CAMKMT: variants seen among roughly 807,000 people sequenced by gnomAD.
The protein encoded by CAMKMT is CaM KMT.
In CAMKMT, 53 loss-of-function variants were observed where a neutral mutation model predicts 48.0. That is an observed-to-expected ratio of 1.10 (90% CI 0.89 to 1.39). CAMKMT has a LOEUF of 1.39. CAMKMT is among the 40% of genes most tolerant of loss of function. The pLI, the probability that CAMKMT is intolerant of heterozygous loss-of-function variation, is 0.00. For synonymous variants in CAMKMT, 165 were observed against 152.3 expected (o/e 1.08, Z -0.61); for missense variants, 428 against 402.7 (o/e 1.06, Z -0.54).
chr2:44,610,119 T>C (rs1671517205), intron 3 of CAMKMT, among the ~76,000 whole-genome samples: 1 of 152,182 alleles, frequency 6.6e-6, no homozygotes, highest in Non-Finnish European at 1.5e-5. Context: ...AGAGGCTACA[T>C]TTCTGAATAT....
intron 2 of CAMKMT, among the ~76,000 whole-genome samples, chr2:44,382,111 T>C (rs1051935676): frequency 6.6e-6 from 1 of 151,984 alleles, no homozygotes; most frequent in African/African-American, 2.4e-5. Context: ...CTGGCTAATT[T>C]TTGTATTTTT....
chr2:44,389,018 C>T (rs1443735675), intron 2 of CAMKMT, among the ~76,000 whole-genome samples: 12 of 152,290 alleles, frequency 7.9e-5, no homozygotes, highest in Non-Finnish European at 1.5e-5. Flanking sequence ...CAGAGAGCAT[C>T]AACTGTAGTA....
Position 44,668,128 on chromosome 2 carries a change from A to T in CAMKMT, c.377-36155A>T, listed in dbSNP as rs192913784. ...ATTTCCCTGGTAAATTTGTTCTTCA[A>T]ACCCCTCCAATATCTCCTCTCCTAT... On this transcript the variant is annotated intron_variant, in intron 3 of 10. Coordinates refer to ENST00000378494, the MANE Select transcript of CAMKMT (RefSeq NM_024766.5). Among the ~76,000 whole-genome samples the T allele has an allele frequency of 1.7e-3, 254 of 152,224 alleles. 1 individual carries two copies. In the South Asian group the frequency reaches 0.025, roughly 15 times the overall value.
At chr2:44,428,781 A>C (rs990973107) in intron 3 of CAMKMT, among the ~76,000 whole-genome samples, 1 of 152,218 alleles carries the variant, frequency 6.6e-6, no homozygotes, top group Non-Finnish European at 1.5e-5. Flanking sequence ...TAATAACTCA[A>C]ATTCCACCAG....
At chr2:44,428,687 A>G (rs148444759) in intron 3 of CAMKMT, among the ~76,000 whole-genome samples, 1 of 152,206 alleles carries the variant, frequency 6.6e-6, no homozygotes. Flanking sequence ...TTTTATATGT[A>G]TGTATGTCTG....
At chr2:44,751,093 C>T (rs1232796159) in intron 8 of CAMKMT, among the ~76,000 whole-genome samples, 2 of 152,090 alleles carry the variant, frequency 1.3e-5, no homozygotes, top group Non-Finnish European at 2.9e-5. Context: ...GAGAGGACAA[C>T]AATGAAATGC....
intron 3 of CAMKMT, among the ~76,000 whole-genome samples, chr2:44,493,128 C>CCA (rs1478206960): frequency 6.6e-6 from 1 of 151,922 alleles, no homozygotes; most frequent in African/African-American, 2.4e-5. Context: ...AGCTCCTGAC[C>CCA]TCGTGATCCA....
At chr2:44,719,762 G>A (rs1042379112) in intron 7 of CAMKMT, among the ~76,000 whole-genome samples, 8 of 152,116 alleles carry the variant, frequency 5.3e-5, no homozygotes, top group East Asian at 1.9e-4. Context: ...TCAGGCATGC[G>A]CATGTAGTGT....
intron 10 of CAMKMT, among the ~76,000 whole-genome samples, chr2:44,767,063 A>G (rs906640442): frequency 6.6e-6 from 1 of 152,212 alleles, no homozygotes; most frequent in Non-Finnish European, 1.5e-5. Context: ...TATATGTCAG[A>G]TGGAGGCACT....
At chr2:44,631,933 T>C (rs1672855981) in intron 3 of CAMKMT, among the ~76,000 whole-genome samples, 1 of 152,154 alleles carries the variant, frequency 6.6e-6, no homozygotes, top group African/African-American at 2.4e-5. Flanking sequence ...CATAATATTA[T>C]ACTATTTCAC....
Position 44,743,632 on chromosome 2 carries a change from T to C in CAMKMT, c.634T>C (p.Trp212Arg). 6.2e-7 allele frequency: 1 copy of C among 1,612,022 alleles called. No homozygotes were observed. Among genetic ancestry groups the C allele is most frequent in the Non-Finnish European group, 8.5e-7 (1 of 1,178,894 alleles). ...CTTTTTCTCCTCAAGCGTTTTACGA[T>C]GGGATAATGAGACAGATGTCTCTCA... ...TQKISSCVLR[W>R]DNETDVSQLE... Residue 212 changes from tryptophan (W) to arginine (R), a missense_variant, in exon 8 of 11, where the codon TGG becomes CGG. Transcript: ENST00000378494.
At chr2:44,567,832 A>C (rs935038478) in intron 3 of CAMKMT, among the ~76,000 whole-genome samples, 1 of 152,204 alleles carries the variant, frequency 6.6e-6, no homozygotes, top group Non-Finnish European at 1.5e-5. Flanking sequence ...AGCTGATTTC[A>C]AAGTTAACAG....
At chr2:44,695,813 G>A (rs1230676815) in intron 3 of CAMKMT, among the ~76,000 whole-genome samples, 1 of 151,980 alleles carries the variant, frequency 6.6e-6, no homozygotes, top group Non-Finnish European at 1.5e-5. Flanking sequence ...GAGCCTTGAA[G>A]GCTCGGAAAT....
intron 3 of CAMKMT, among the ~76,000 whole-genome samples, chr2:44,624,918 T>C (rs1672395810): frequency 6.6e-6 from 1 of 152,214 alleles, no homozygotes; most frequent in South Asian, 2.1e-4. Flanking sequence ...TCCACAATGG[T>C]TGAACTAGTT....
chr2:44,601,211 C>T (rs1406312645), intron 3 of CAMKMT, among the ~76,000 whole-genome samples: 1 of 152,100 alleles, frequency 6.6e-6, no homozygotes, highest in Non-Finnish European at 1.5e-5. Context: ...AATCCCAGCA[C>T]TTTGGGAGGC....
rs1680068804 is a variant in CAMKMT at position 44,379,885 on chromosome 2, T to C, written c.311+6997T>C. On this transcript the variant is annotated intron_variant, in intron 2 of 10. Transcript: ENST00000378494. ...ATATTCTGGATATTAGACCCTATCA[T>C]ACATGTGATATTTGCAAATATTTTC... 3.9e-5 allele frequency among the ~76,000 whole-genome samples: 6 copies of C among 152,152 alleles called. No individual in the cohort carries two copies. In the South Asian group the frequency reaches 1.2e-3, roughly 31 times the overall value.
chr2:44,770,449 A>G (rs1366507270), intron 10 of CAMKMT, among the ~76,000 whole-genome samples: 1 of 152,258 alleles, frequency 6.6e-6, no homozygotes, highest in African/African-American at 2.4e-5. Context: ...TATCCCACAT[A>G]TTACCTCAGG....
chr2:44,586,715 T>C (rs1669877425), intron 3 of CAMKMT, among the ~76,000 whole-genome samples: 1 of 152,274 alleles, frequency 6.6e-6, no homozygotes, highest in Non-Finnish European at 1.5e-5. Flanking sequence ...TATCCATTGA[T>C]GGACATTTGG....
chr2:44,482,626 G>A (rs1402256834), intron 3 of CAMKMT, among the ~76,000 whole-genome samples: 1 of 151,994 alleles, frequency 6.6e-6, no homozygotes, highest in Non-Finnish European at 1.5e-5. Context: ...AAAATGCTGG[G>A]ACCGTTTTCT....
Sources: gnomAD v4.1 joint callset for allele counts (sites outside exome capture counted in the v4.1 genomes callset) on GRCh38, gnomAD v4.1.1 for gene constraint, MANE v1.5 for transcripts, NCBI Gene and HGNC (gene_info 2026-07-23, HGNC 2026-07-21) for gene names.